The following TENM4 variants were observed in gnomAD, a reference collection of about 807,000 sequenced individuals.
TENM4 encodes the protein teneurin-4.
A neutral mutation model predicts 243.3 loss-of-function variants in TENM4; 82 were observed. That is an observed-to-expected ratio of 0.34 (90% CI 0.28 to 0.40). TENM4 has a LOEUF of 0.40. Among genes scored for constraint, TENM4 ranks in the 10% least tolerant of loss-of-function variants. The probability of loss-of-function intolerance (pLI) is 1.00; values close to 1 mark genes in which losing one functional copy is unlikely to be tolerated. For synonymous variants in TENM4, 1,412 were observed against 1,456.3 expected (o/e 0.97, Z 0.69); for missense variants, 3,138 against 3,673.3 (o/e 0.85, Z 3.77).
chr11:78,851,315 T>A, intron 12 of TENM4, among the ~76,000 whole-genome samples: 1 of 152,066 alleles, frequency 6.6e-6, no homozygotes, highest in East Asian at 1.9e-4. Flanking sequence ...TAAGAGGAAG[T>A]GAAGACAGGT....
chr11:79,231,895 C>A (rs546903451), intron 2 of TENM4, among the ~76,000 whole-genome samples: 1 of 152,122 alleles, frequency 6.6e-6, no homozygotes, highest in Non-Finnish European at 1.5e-5. Context: ...GCCTGGCCAA[C>A]ATGGTGAAAC....
At chr11:79,137,223 A>G (rs1023711869) in intron 4 of TENM4, among the ~76,000 whole-genome samples, 11 of 152,158 alleles carry the variant, frequency 7.2e-5, no homozygotes, top group African/African-American at 2.4e-4. Flanking sequence ...GGACATTTTG[A>G]GCTCCTTCCA....
At chr11:78,965,448 G>A (rs753493262) in intron 6 of TENM4, among the ~76,000 whole-genome samples, 5 of 152,040 alleles carry the variant, frequency 3.3e-5, no homozygotes, top group Admixed American at 6.6e-5. Flanking sequence ...ATCTTCAATC[G>A]GAGCTTCTAA....
chr11:78,728,255 A>G (rs1488825879), intron 22 of TENM4, among the ~76,000 whole-genome samples: 1 of 152,194 alleles, frequency 6.6e-6, no homozygotes, highest in Non-Finnish European at 1.5e-5. Context: ...GAATAAATCC[A>G]GCTCTGTTCC....
intron 6 of TENM4, among the ~76,000 whole-genome samples, chr11:79,044,703 C>T (rs1200242900): frequency 6.6e-6 from 1 of 152,072 alleles, no homozygotes; most frequent in African/African-American, 2.4e-5. Context: ...TTTTAGGTTT[C>T]CCATGTATAA....
At chr11:78,926,727 G>A (rs908708858) in intron 6 of TENM4, among the ~76,000 whole-genome samples, 8 of 146,680 alleles carry the variant, frequency 5.5e-5, no homozygotes, top group Middle Eastern at 3.6e-3. Flanking sequence ...GAGATTTGAC[G>A]TTAATATTAT....
intron 16 of TENM4, among the ~76,000 whole-genome samples, chr11:78,783,366 C>T (rs962595735): frequency 1.3e-5 from 2 of 152,294 alleles, no homozygotes; most frequent in East Asian, 3.9e-4. Flanking sequence ...AACTGGGTTT[C>T]ATATATGCAA....
chr11:79,329,973 A>G (rs1857035538), intron 1 of TENM4, among the ~76,000 whole-genome samples: 1 of 152,192 alleles, frequency 6.6e-6, no homozygotes, highest in African/African-American at 2.4e-5. Flanking sequence ...TGCTGAGAAG[A>G]GGGGAAAGTG....
At chr11:78,837,346 T>C (rs1186819293) in intron 12 of TENM4, among the ~76,000 whole-genome samples, 2 of 152,212 alleles carry the variant, frequency 1.3e-5, no homozygotes, top group Non-Finnish European at 2.9e-5. Flanking sequence ...GTTTGCCTTC[T>C]ACCATGATTT....
At chr11:79,172,364 C>T (rs1863064033) in intron 3 of TENM4, among the ~76,000 whole-genome samples, 1 of 152,218 alleles carries the variant, frequency 6.6e-6, no homozygotes, top group Non-Finnish European at 1.5e-5. Flanking sequence ...TGACCAGGGA[C>T]ACCGTTATTC....
chr11:78,906,915 T>C (rs1247985052), intron 6 of TENM4, among the ~76,000 whole-genome samples: 1 of 152,178 alleles, frequency 6.6e-6, no homozygotes, highest in African/African-American at 2.4e-5. Context: ...GCCTGAGCTG[T>C]CAGTGCAAGC....
intron 4 of TENM4, among the ~76,000 whole-genome samples, chr11:79,073,687 G>T (rs1466943957): frequency 6.6e-6 from 1 of 152,028 alleles, no homozygotes; most frequent in East Asian, 1.9e-4. Context: ...AATGACCTTG[G>T]GCAAGTTATT....
At chr11:78,709,987 C>A (rs774410919) in intron 26 of TENM4, among the ~76,000 whole-genome samples, 13 of 152,124 alleles carry the variant, frequency 8.5e-5, no homozygotes, top group Non-Finnish European at 1.9e-4. Flanking sequence ...TGGAAAGGCA[C>A]AGGAATGAAT....
rs67819510 is a variant in TENM4, at chr11:78,894,979, TAAAAAAAAAAAAAA to T, written c.750-3657_750-3644del. On this transcript the variant is annotated intron_variant, in intron 7 of 33. Coordinates refer to ENST00000278550, the MANE Select transcript of TENM4 (RefSeq NM_001098816.3). ...AGTCCGGTCCAACGAGACTCGGCCT[TAAAAAAAAAAAAAA>T]AAAAAAAAAAAAAAGAAGACAATTC... Among the ~76,000 whole-genome samples the T allele has an allele frequency of 2.0e-4, 12 of 59,474 alleles. No homozygotes were observed. In the East Asian group the frequency reaches 3.8e-3, roughly 19 times the overall value. 39.0% of individuals were successfully genotyped at this position (59,474 alleles called of 152,430 possible).
intron 6 of TENM4, among the ~76,000 whole-genome samples, chr11:79,042,377 G>GTGA (rs778703010): frequency 3.7e-4 from 57 of 152,174 alleles, no homozygotes; most frequent in Non-Finnish European, 6.8e-4. Context: ...AACCCCAAAT[G>GTGA]TGATGGTATT....
rs1477750764 is a variant in TENM4, at chr11:78,786,889, C to G, written c.2365+9G>C. On this transcript the variant is annotated intron_variant, in intron 16 of 33. Coordinates refer to ENST00000278550, the MANE Select transcript of TENM4 (RefSeq NM_001098816.3). ...AGAGAAGGTACCCGGGGACCTCGGC[C>G]CGCCATACCGATGGTGCAGTGTTCG... 3.1e-6 allele frequency: 5 copies of G among 1,604,022 alleles called. No individual in the cohort carries two copies. The African/African-American group carries it at 6.7e-5, about 21-fold the overall frequency.
intron 2 of TENM4, among the ~76,000 whole-genome samples, chr11:79,225,500 T>C (rs1396360715): frequency 6.6e-6 from 1 of 152,188 alleles, no homozygotes; most frequent in Non-Finnish European, 1.5e-5. Flanking sequence ...GCATGCAGCC[T>C]CTGCCTCCTG....
chr11:79,295,918 C>CACACACAA (rs1306007205), intron 2 of TENM4, among the ~76,000 whole-genome samples: 41 of 150,688 alleles, frequency 2.7e-4, no homozygotes, highest in African/African-American at 1.0e-3. Flanking sequence ...CACACACACA[C>CACACACAA]ACACACACAC....
intron 18 of TENM4, among the ~76,000 whole-genome samples, chr11:78,768,824 C>G (rs1384170662): frequency 6.6e-6 from 1 of 152,208 alleles, no homozygotes; most frequent in Non-Finnish European, 1.5e-5. Context: ...TCCCCCCGAG[C>G]TGTGGGCTTT....
Sources: allele counts gnomAD v4.1 joint callset (sites outside exome capture counted in the v4.1 genomes callset), GRCh38; gene constraint gnomAD v4.1.1; transcripts MANE v1.5; gene names NCBI Gene and HGNC (gene_info 2026-07-23, HGNC 2026-07-21).